GPR15LG: variants seen among roughly 807,000 people sequenced by gnomAD.
GPR15LG encodes G protein-coupled receptor 15 ligand.
the GPR15LG span, chr10:84,174,053 G>A: frequency 4.2e-6 from 3 of 719,372 alleles, no homozygotes; most frequent in African/African-American, 3.5e-5. Context: ...GGAAAGATGG[G>A]CTCTTTCTCC....
chr10:84,178,579 A>G, the GPR15LG span, among the ~76,000 whole-genome samples: 1 of 151,962 alleles, frequency 6.6e-6, no homozygotes, highest in Non-Finnish European at 1.5e-5. Context: ...ACACACACAC[A>G]CTACACAACT....
At chr10:84,174,987 TTTTG>T in the GPR15LG span, among the ~76,000 whole-genome samples, 4,173 of 152,258 alleles carry the variant, frequency 0.027, 99 homozygotes, top group Middle Eastern at 0.075. Flanking sequence ...ATGTTCAACA[TTTTG>T]TTTATTTCCT....
chr10:84,176,163 C>T, the GPR15LG span, among the ~76,000 whole-genome samples: 1 of 152,196 alleles, frequency 6.6e-6, no homozygotes, highest in Admixed American at 6.5e-5. Flanking sequence ...GCTAGGATTA[C>T]AGGCATGAGC....
chr10:84,177,684 G>T, the GPR15LG span, among the ~76,000 whole-genome samples: 2 of 152,190 alleles, frequency 1.3e-5, no homozygotes, highest in Non-Finnish European at 2.9e-5. Context: ...AGCCGGCCAG[G>T]ATAAAAATAA....
the GPR15LG span, among the ~76,000 whole-genome samples, chr10:84,177,205 G>A: frequency 6.6e-6 from 1 of 152,244 alleles, no homozygotes; most frequent in Non-Finnish European, 1.5e-5. Context: ...GAGGCCTGGG[G>A]ACACTGGGAG....
the GPR15LG span, among the ~76,000 whole-genome samples, chr10:84,177,276 G>A: frequency 3.9e-5 from 6 of 152,238 alleles, no homozygotes; most frequent in African/African-American, 1.4e-4. Flanking sequence ...CTGCACAGGG[G>A]CTGCAGGCCC....
At chr10:84,180,683 G>C in the GPR15LG span, among the ~76,000 whole-genome samples, 29 of 152,320 alleles carry the variant, frequency 1.9e-4, no homozygotes, top group African/African-American at 7.0e-4. Context: ...CCTAGACGGG[G>C]TGGCGGCCGG....
chr10:84,182,163 A>G, the GPR15LG span, among the ~76,000 whole-genome samples: 1 of 152,188 alleles, frequency 6.6e-6, no homozygotes, highest in African/African-American at 2.4e-5. Flanking sequence ...CGTTGAGGAT[A>G]TGAGGTTTTC....
At chr10:84,181,912 A>T in the GPR15LG span, among the ~76,000 whole-genome samples, 2 of 152,182 alleles carry the variant, frequency 1.3e-5, no homozygotes, top group Non-Finnish European at 2.9e-5. Flanking sequence ...CTTTCTACGC[A>T]TCCTGGGGCC....
the GPR15LG span, among the ~76,000 whole-genome samples, chr10:84,174,563 AG>A: frequency 5.9e-5 from 8 of 135,674 alleles, no homozygotes; most frequent in African/African-American, 2.3e-4. Context: ...GCGCTATCTC[AG>A]CTCACTGCAA....
At chr10:84,175,065 T>G in the GPR15LG span, among the ~76,000 whole-genome samples, 1 of 152,244 alleles carries the variant, frequency 6.6e-6, no homozygotes, top group Non-Finnish European at 1.5e-5. Context: ...TCTTTTTTAT[T>G]TATCACTATA....
the GPR15LG span, chr10:84,173,962 C>A: frequency 6.9e-7 from 1 of 1,454,100 alleles, no homozygotes; most frequent in Non-Finnish European, 9.7e-7. Flanking sequence ...AGCAGGATTT[C>A]AGCATCTGGG....
the GPR15LG span, among the ~76,000 whole-genome samples, chr10:84,178,447 T>G: frequency 1.5e-3 from 219 of 149,158 alleles, 3 homozygotes; most frequent in East Asian, 0.022. Flanking sequence ...CAAACACACA[T>G]AAATACATAC....
At chr10:84,183,711 A>G in the GPR15LG span, among the ~76,000 whole-genome samples, 1 of 151,938 alleles carries the variant, frequency 6.6e-6, no homozygotes, top group Non-Finnish European at 1.5e-5. Context: ...CGGTGGCTCA[A>G]TTATGGCTCA....
the GPR15LG span, among the ~76,000 whole-genome samples, chr10:84,174,986 A>G: frequency 6.6e-6 from 1 of 151,736 alleles, no homozygotes; most frequent in African/African-American, 2.4e-5. Flanking sequence ...CATGTTCAAC[A>G]TTTTGTTTAT....
chr10:84,178,258 C>G, the GPR15LG span, among the ~76,000 whole-genome samples: 3 of 151,470 alleles, frequency 2.0e-5, no homozygotes, highest in Non-Finnish European at 4.4e-5. Flanking sequence ...CGGACACATA[C>G]ACACTACACA....
the GPR15LG span, among the ~76,000 whole-genome samples, chr10:84,175,403 C>T: frequency 6.6e-5 from 10 of 152,204 alleles, no homozygotes; most frequent in African/African-American, 2.2e-4. Context: ...GTAGCAAACT[C>T]TTGAAGTAGC....
chr10:84,182,520 G>A, the GPR15LG span, among the ~76,000 whole-genome samples: 3 of 152,170 alleles, frequency 2.0e-5, no homozygotes, highest in African/African-American at 4.8e-5. Flanking sequence ...GAATGGTCTC[G>A]GTTGGAACAA....
At chr10:84,177,017 G>A in the GPR15LG span, among the ~76,000 whole-genome samples, 2 of 152,208 alleles carry the variant, frequency 1.3e-5, no homozygotes, top group Non-Finnish European at 1.5e-5. Flanking sequence ...AAAGCTGCCT[G>A]TGAACCCTGT....
Sources: gnomAD v4.1 joint callset for allele counts (sites outside exome capture counted in the v4.1 genomes callset) on GRCh38, gnomAD v4.1.1 for gene constraint, MANE v1.5 for transcripts, NCBI Gene and HGNC (gene_info 2026-07-23, HGNC 2026-07-21) for gene names.